Variants in TTN observed in about 807,000 individuals in gnomAD.
TTN encodes connectin.
In TTN, 1,525 loss-of-function variants were observed where a neutral mutation model predicts 3,223.0. The observed-to-expected ratio is 0.47, with a 90% CI of 0.45 to 0.49. TTN has a LOEUF of 0.49. TTN is among the 20% of genes least tolerant of loss of function. The pLI is 0.00. For synonymous variants in TTN, 14,094 were observed against 15,161.0 expected, an observed-to-expected ratio of 0.93 and a Z score of 5.17; for missense variants, 40,786 against 43,424.0, an observed-to-expected ratio of 0.94 and a Z score of 5.40.
At position 178,675,118 on chromosome 2, in the gene TTN, A is replaced by T. The variant is rs771217707; in HGVS notation, c.34538-5T>A. 8 of 1,549,192 alleles carry T rather than the reference A, an allele frequency of 5.2e-6. No individual in the cohort carries two copies. Among genetic ancestry groups the T allele is most frequent in the Non-Finnish European group, 6.9e-6 (8 of 1,152,870 alleles). On this transcript the variant is annotated splice_region_variant and splice_polypyrimidine_tract_variant and intron_variant, in intron 149 of 362. Transcript: ENST00000589042. ...CCTTCTTAGGCACCTCAGGAACTTG[A>T]GAGACATTGATTATTTTAGACACTT...
Position 178,592,448 on chromosome 2 carries a change from C to T in TTN, c.59557G>A (p.Gly19853Arg). ...EIRNAAHEDGGIYSLTVENPA... is the reference protein window; with the variant it reads ...EIRNAAHEDGRIYSLTVENPA... ...TTCTCCACTGTTAAAGAATAAATTC[C>T]ACCATCTTCATGGGCAGCATTACGA... is the stretch of plus-strand genomic sequence containing the variant. The change falls in exon 301 of 363, where the codon GGA becomes AGA. Residue 19853 changes from glycine (G) to arginine (R), a missense_variant. Transcript: ENST00000589042. The T allele has an allele frequency of 6.2e-7, 1 of 1,613,408 alleles. No homozygotes were observed. The highest frequency in any genetic ancestry group is 8.5e-7 in the Non-Finnish European group (1 of 1,179,566).
rs1691876264 is a variant in TTN, at chr2:178,536,962, C to T, written c.100147G>A (p.Val33383Ile). ...GISDPLEVSSVVIIKSPFEKP... is the reference protein window; with the variant it reads ...GISDPLEVSSIVIIKSPFEKP... ...CCAAATGGACTCTTAATGATCACAA[C>T]TGAGGACACTTCTAGAGGGTCACTG... Residue 33383 changes from valine to isoleucine, a missense_variant, in exon 356 of 363, where the codon GTT (valine) becomes ATT (isoleucine). Transcript: ENST00000589042. 1.2e-6 allele frequency: 2 copies of T among 1,612,954 alleles called. No individual in the cohort carries two copies. Among genetic ancestry groups the T allele is most frequent in the Non-Finnish European group, 8.5e-7 (1 of 1,179,362 alleles).
At chr2:178,647,229 TTAAG>T (rs1293223058) in intron 214 of TTN, 85 bp from the exon 215 acceptor site, 6 of 1,148,888 alleles carry the variant, frequency 5.2e-6, no homozygotes, top group African/African-American at 1.6e-5. Flanking sequence ...CCTAGTTACA[TTAAG>T]TAACACTCTA....
chr2:178,750,659 G>A, intron 47 of TTN: 1 of 1,612,716 alleles, frequency 6.2e-7, no homozygotes, highest in South Asian at 1.1e-5. Context: ...ATCAATTCGT[G>A]TAGAAGCAGA....
chr2:178,802,010 C>T, intron 3 of TTN, 128 bp downstream of exon 3: 1 of 1,156,892 alleles, frequency 8.6e-7, no homozygotes, highest in Non-Finnish European at 1.3e-6. Flanking sequence ...AATTCAGCCT[C>T]CAGTAGACCC....
At position 178,577,257 on chromosome 2, in the gene TTN, A is replaced by G. The variant is rs1009785141; in HGVS notation, c.69078T>C (p.Phe23026=). The change falls in exon 324 of 363, where the codon TTT becomes TTC. Residue 23026 remains phenylalanine (F), a synonymous_variant. Transcript: ENST00000589042. Reference sequence around the variant, plus strand: ...CCTTCACATGTTCCACCTTCGTGCCAAAAGGATTGGTAGCAGTGATGGTAT... The same window carrying G: ...CCTTCACATGTTCCACCTTCGTGCCGAAAGGATTGGTAGCAGTGATGGTAT... The part of the protein sequence containing the change: ...GEYTITATNP[F]GTKVEHVKVT... The G allele has an allele frequency of 2.5e-6, 4 of 1,612,740 alleles. No homozygotes were observed. Among genetic ancestry groups the G allele is most frequent in the Non-Finnish European group, 2.5e-6 (3 of 1,179,458 alleles).
At chr2:178,791,905 G>T (rs1402186131) in intron 10 of TTN, among the ~76,000 whole-genome samples, 167 bp downstream of exon 10, 2 of 152,098 alleles carry the variant, frequency 1.3e-5, no homozygotes, top group Non-Finnish European at 2.9e-5. Context: ...AGTGCAATGT[G>T]AACATAATTT....
rs748945937 is a variant in TTN, at chr2:178,560,315, T to A, written c.85817A>T (p.Tyr28606Phe). The A allele has an allele frequency of 1.2e-6, 2 of 1,613,824 alleles. No individual in the cohort carries two copies. The highest frequency in any genetic ancestry group is 2.2e-5 in the South Asian group (2 of 91,084). ...RWVRVNKKPV[Y>F]DLRVKSTGLR... ...TCCTGTTGATTTCACTCTTAGATCA[T>A]AAACTGGTTTTTTGTTTACACGCAC... Residue 28606 changes from tyrosine to phenylalanine, a missense_variant, in exon 326 of 363, where the codon TAT becomes TTT. Transcript: ENST00000589042.
At position 178,612,999 on chromosome 2, in the gene TTN, T is replaced by A; in HGVS notation, c.49722A>T (p.Lys16574Asn). Residue 16574 changes from lysine (K) to asparagine (N), a missense_variant, in exon 265 of 363, where the codon AAA becomes AAT. Coordinates refer to ENST00000589042, the MANE Select transcript of TTN (RefSeq NM_001267550.2). ...TCTTTGCACCTCCATCATGTTCTGG[T>A]TTTGTCCAATTCAACCTTACTGATG... is the stretch of plus-strand genomic sequence containing the variant. The part of the protein sequence containing the change: ...GKTSVRLNWT[K>N]PEHDGGAKIE... 6.2e-7 allele frequency: 1 copy of A among 1,612,782 alleles called. No individual in the cohort carries two copies. Among genetic ancestry groups the A allele is most frequent in the Non-Finnish European group, 8.5e-7 (1 of 1,179,256 alleles).
chr2:178,670,845 GCTCA>G (rs1479701497), intron 156 of TTN, among the ~76,000 whole-genome samples: 1 of 151,850 alleles, frequency 6.6e-6, no homozygotes, highest in African/African-American at 2.4e-5. Flanking sequence ...GGAAATTTGG[GCTCA>G]CTATTTGGTT....
intron 113 of TTN, among the ~76,000 whole-genome samples, chr2:178,696,793 A>T (rs543277419): frequency 6.6e-6 from 1 of 152,210 alleles, no homozygotes; most frequent in Admixed American, 6.5e-5. Context: ...ACAGATTTTT[A>T]AAGTTCTTAA....
In TTN at chr2:178,729,890, C is replaced by T. The variant is rs375032616; in HGVS notation, c.18363G>A (p.Gln6121=). 50 of 1,613,452 alleles carry T rather than the reference C, an allele frequency of 3.1e-5. No homozygotes were observed. The East Asian group carries it at 9.4e-4, about 30-fold the overall frequency. The part of the protein sequence containing the change: ...PSPVLVLRNG[Q]STTFECQITG... ...TTATTTGGCATTCAAATGTTGTTGA[C>T]TGTCCATTCCTCAGCACTAAGACTG... Residue 6121 remains glutamine, a synonymous_variant, in exon 63 of 363, where the codon CAG becomes CAA. Coordinates refer to ENST00000589042, the MANE Select transcript of TTN (RefSeq NM_001267550.2).
In TTN at chr2:178,565,054, T is replaced by G. The variant is rs1331313267; in HGVS notation, c.81078A>C (p.Thr27026=). ...TTATTTTAATTGTTGTTCTTGCAACTGTTGCTGATACCATGTGCCAAGTGG... is the reference window on the plus strand; with the variant it reads ...TTATTTTAATTGTTGTTCTTGCAACGGTTGCTGATACCATGTGCCAAGTGG... ...TTTTWHMVSA[T]VARTTIKITK... is the part of the protein sequence containing the mutation. The change falls in exon 326 of 363, where the codon ACA becomes ACC. Residue 27026 remains threonine, a synonymous_variant. Coordinates refer to ENST00000589042, the MANE Select transcript of TTN (RefSeq NM_001267550.2). The G allele has an allele frequency of 4.3e-6, 7 of 1,613,590 alleles. No individual in the cohort carries two copies. The highest frequency in any genetic ancestry group is 5.1e-6 in the Non-Finnish European group (6 of 1,179,704).
At position 178,646,405 on chromosome 2, in the gene TTN, A is replaced by G. The variant is rs548313490; in HGVS notation, c.40297+80T>C. On this transcript the variant is annotated intron_variant, in intron 216 of 362. Transcript: ENST00000589042. Reference sequence around the variant, plus strand: ...ATACAAATGGGAACAGACATACTACATATGTACAACAACATAAACCATATA... The same window carrying G: ...ATACAAATGGGAACAGACATACTACGTATGTACAACAACATAAACCATATA... 4.4e-5 allele frequency: 42 copies of G among 944,660 alleles called. No individual in the cohort carries two copies. The South Asian group carries it at 6.0e-4, about 14-fold the overall frequency. The allele number at this position is 944,660 out of a possible 1,614,324, so 58.5% of individuals were successfully genotyped here.
At chr2:178,704,482 A>T (rs773897669) in intron 105 of TTN, 28 bp downstream of exon 105, 2 of 1,598,280 alleles carry the variant, frequency 1.3e-6, no homozygotes, top group Middle Eastern at 1.7e-4. Context: ...AAATCTCACA[A>T]GTATTTCATA....
intron 100 of TTN, 67 bp from the exon 101 acceptor site, chr2:178,707,021 T>C (rs2075989708): frequency 1.4e-6 from 2 of 1,406,640 alleles, no homozygotes; most frequent in Non-Finnish European, 1.9e-6. Context: ...TCCCCCTTTG[T>C]AAAATAAGCC....
intron 212 of TTN, 98 bp from the exon 213 acceptor site, chr2:178,649,429 A>C (rs2062559589): frequency 7.4e-7 from 1 of 1,344,502 alleles, no homozygotes. Context: ...CATTAAAATT[A>C]ATGAAAGCAA....
chr2:178,673,544 A>T, intron 152 of TTN, 89 bp downstream of exon 152: 1 of 936,142 alleles, frequency 1.1e-6, no homozygotes, highest in Non-Finnish European at 1.6e-6. Context: ...CTAAATGATT[A>T]TAAGAAGGCA....
chr2:178,702,409 G>A lies in TTN; in HGVS notation c.30433+45C>T, dbSNP rs375403570. Reference sequence around the variant, plus strand: ...CAGGGTAGAAATACAGAAAACAGACGAGGCTTAAATTATACATTCACTGGA... The same window carrying A: ...CAGGGTAGAAATACAGAAAACAGACAAGGCTTAAATTATACATTCACTGGA... On this transcript the variant is annotated intron_variant, in intron 107 of 362. Transcript: ENST00000589042. The A allele has an allele frequency of 1.5e-4, 249 of 1,610,572 alleles. No individual in the cohort carries two copies. The African/African-American group carries it at 2.5e-3, about 16-fold the overall frequency.
Sources: allele counts gnomAD v4.1 joint callset (sites outside exome capture counted in the v4.1 genomes callset), GRCh38; gene constraint gnomAD v4.1.1; transcripts MANE v1.5; gene names NCBI Gene and HGNC (gene_info 2026-07-23, HGNC 2026-07-21).